The following ARB2A variants were observed in gnomAD, a reference collection of about 807,000 sequenced individuals.
ARB2A encodes cotranscriptional regulator ARB2A.
the ARB2A span, among the ~76,000 whole-genome samples, chr5:93,652,950 C>G: frequency 2.0e-5 from 3 of 152,240 alleles, no homozygotes; most frequent in African/African-American, 7.2e-5. Flanking sequence ...TTGCTTATGT[C>G]CCATTTCTCA....
chr5:93,875,185 T>A, the ARB2A span, among the ~76,000 whole-genome samples: 6 of 151,986 alleles, frequency 3.9e-5, no homozygotes, highest in African/African-American at 1.5e-4. Context: ...TAACTTGAGG[T>A]CACACTATAT....
chr5:93,941,935 T>G, the ARB2A span, among the ~76,000 whole-genome samples: 1 of 152,318 alleles, frequency 6.6e-6, no homozygotes, highest in Admixed American at 6.5e-5. Flanking sequence ...CCTTTATTAG[T>G]TAATTAGTTC....
the ARB2A span, among the ~76,000 whole-genome samples, chr5:94,039,668 C>T: frequency 1.3e-5 from 2 of 152,118 alleles, no homozygotes; most frequent in Non-Finnish European, 2.9e-5. Flanking sequence ...TCTATGGACT[C>T]GCCCCGAATT....
At chr5:93,994,573 T>C in the ARB2A span, among the ~76,000 whole-genome samples, 1 of 152,124 alleles carries the variant, frequency 6.6e-6, no homozygotes, top group African/African-American at 2.4e-5. Flanking sequence ...AACAACACAA[T>C]TTTAAACTGT....
chr5:93,815,711 T>C, the ARB2A span, among the ~76,000 whole-genome samples: 9 of 152,272 alleles, frequency 5.9e-5, no homozygotes, highest in South Asian at 1.7e-3. Flanking sequence ...TTTTTTCTCC[T>C]TCATTTCCTA....
At chr5:93,875,511 G>A in the ARB2A span, among the ~76,000 whole-genome samples, 3 of 152,066 alleles carry the variant, frequency 2.0e-5, no homozygotes, top group East Asian at 1.9e-4. Context: ...GATTACAGGC[G>A]TGAGCCACTG....
At chr5:93,910,406 G>A in the ARB2A span, among the ~76,000 whole-genome samples, 10 of 151,072 alleles carry the variant, frequency 6.6e-5, 1 homozygote, top group South Asian at 1.7e-3. Context: ...TTTACAGTAT[G>A]ATTCTAAAAA....
At chr5:94,048,137 C>A in the ARB2A span, among the ~76,000 whole-genome samples, 44 of 140,888 alleles carry the variant, frequency 3.1e-4, no homozygotes, top group African/African-American at 1.2e-3. Context: ...TCACTGCAAC[C>A]TCCATCTCCC....
chr5:93,747,574 C>T, the ARB2A span, among the ~76,000 whole-genome samples: 1 of 152,290 alleles, frequency 6.6e-6, no homozygotes, highest in East Asian at 1.9e-4. Context: ...ATTCAGTCAG[C>T]TTATCAAACT....
At chr5:93,850,648 C>T in the ARB2A span, among the ~76,000 whole-genome samples, 1 of 152,112 alleles carries the variant, frequency 6.6e-6, no homozygotes, top group Non-Finnish European at 1.5e-5. Flanking sequence ...TTCTGGAACT[C>T]GCCATCAAAC....
the ARB2A span, among the ~76,000 whole-genome samples, chr5:93,630,670 C>T: frequency 9.2e-5 from 14 of 152,104 alleles, no homozygotes; most frequent in East Asian, 1.9e-4. Flanking sequence ...AAGACGGGTG[C>T]GGGGCCTTTT....
chr5:93,764,235 C>G, the ARB2A span, among the ~76,000 whole-genome samples: 1 of 152,020 alleles, frequency 6.6e-6, no homozygotes, highest in Non-Finnish European at 1.5e-5. Context: ...ACAAAAAACC[C>G]TTCAAAAAAT....
At chr5:93,837,567 T>C in the ARB2A span, among the ~76,000 whole-genome samples, 1 of 152,082 alleles carries the variant, frequency 6.6e-6, no homozygotes, top group Non-Finnish European at 1.5e-5. Context: ...AACTCAGAAT[T>C]GCCATTTTTT....
chr5:93,627,668 C>T, the ARB2A span, among the ~76,000 whole-genome samples: 1 of 152,048 alleles, frequency 6.6e-6, no homozygotes, highest in Non-Finnish European at 1.5e-5. Context: ...TCTTGAACTC[C>T]TGACCTCGTG....
chr5:93,636,012 A>C, the ARB2A span, among the ~76,000 whole-genome samples: 1 of 152,230 alleles, frequency 6.6e-6, no homozygotes, highest in African/African-American at 2.4e-5. Context: ...GATGATTCCC[A>C]TTTTGAAGTT....
the ARB2A span, chr5:93,805,768 G>A: frequency 1.0e-6 from 1 of 985,128 alleles, no homozygotes; most frequent in South Asian, 4.7e-5. Context: ...ATGGTCACTT[G>A]CATTTGGGGT....
chr5:93,984,401 G>T, the ARB2A span, among the ~76,000 whole-genome samples: 1 of 152,110 alleles, frequency 6.6e-6, no homozygotes, highest in Non-Finnish European at 1.5e-5. Flanking sequence ...ATAACAATTT[G>T]CTTTCATCAA....
the ARB2A span, among the ~76,000 whole-genome samples, chr5:93,745,388 T>C: frequency 3.3e-5 from 5 of 152,218 alleles, no homozygotes; most frequent in East Asian, 9.6e-4. Flanking sequence ...ATTCGTATTA[T>C]AGACATACCA....
chr5:93,970,496 T>A, the ARB2A span, among the ~76,000 whole-genome samples: 1 of 152,210 alleles, frequency 6.6e-6, no homozygotes, highest in Non-Finnish European at 1.5e-5. Context: ...AAATAACTTT[T>A]AAATGCTTAA....
Sources: gnomAD v4.1 joint callset for allele counts (sites outside exome capture counted in the v4.1 genomes callset) on GRCh38, gnomAD v4.1.1 for gene constraint, MANE v1.5 for transcripts, NCBI Gene and HGNC (gene_info 2026-07-23, HGNC 2026-07-21) for gene names.